STXBP5L: variants seen among roughly 807,000 people sequenced by gnomAD.
STXBP5L encodes the protein syntaxin-binding protein 5-like.
A neutral mutation model predicts 144.5 loss-of-function variants in STXBP5L; 65 were observed. The observed-to-expected ratio is 0.45, with a 90% CI of 0.37 to 0.55. STXBP5L has a LOEUF of 0.55. Among genes scored for constraint, STXBP5L ranks in the 20% least tolerant of loss-of-function variants. The pLI is 0.00. For synonymous variants in STXBP5L, 505 were observed against 469.6 expected (o/e 1.08, Z -0.97); for missense variants, 1,298 against 1,405.5 (o/e 0.92, Z 1.22).
intron 5 of STXBP5L, among the ~76,000 whole-genome samples, chr3:121,081,219 T>C (rs1262934455): frequency 6.6e-6 from 1 of 152,162 alleles, no homozygotes; most frequent in Non-Finnish European, 1.5e-5. Context: ...TCTTTTTCTT[T>C]ATGCTATCTC....
chr3:120,963,150 G>A lies in STXBP5L; in HGVS notation c.287+8113G>A, dbSNP rs189652147. On this transcript the variant is annotated intron_variant, in intron 3 of 26. Coordinates refer to ENST00000471454, the MANE Select transcript of STXBP5L (RefSeq NM_001308330.2). The stretch of plus-strand genomic sequence containing the variant: ...TGTATCCTGAGACTTTGCTGAAGTT[G>A]CTTATCAGCTTAAGGAGATTTTGGG... Among the ~76,000 whole-genome samples, 325 of 152,300 alleles carry A rather than the reference G, an allele frequency of 2.1e-3. 4 individuals are homozygous for A. Among genetic ancestry groups the A allele is most frequent in the Middle Eastern group, 3.4e-3 (1 of 294 alleles).
At chr3:121,012,740 G>T (rs987658386) in intron 3 of STXBP5L, among the ~76,000 whole-genome samples, 3 of 151,734 alleles carry the variant, frequency 2.0e-5, no homozygotes, top group Non-Finnish European at 4.4e-5. Flanking sequence ...TGTTACATTG[G>T]TATGTTGTTT....
intron 5 of STXBP5L, among the ~76,000 whole-genome samples, chr3:121,065,583 G>A (rs2041505284): frequency 6.6e-6 from 1 of 152,066 alleles, no homozygotes; most frequent in South Asian, 2.1e-4. Context: ...TTTTAAAAAT[G>A]TTTTTTCAGA....
chr3:121,162,443 G>T (rs563149966), intron 9 of STXBP5L, among the ~76,000 whole-genome samples: 8 of 152,030 alleles, frequency 5.3e-5, no homozygotes, highest in African/African-American at 1.9e-4. Context: ...AGACTTAAAC[G>T]TAAGACCTAA....
At chr3:121,218,024 TATA>T (rs1559876983) in intron 10 of STXBP5L, among the ~76,000 whole-genome samples, 3 of 144,386 alleles carry the variant, frequency 2.1e-5, no homozygotes, top group South Asian at 2.1e-4. Flanking sequence ...TATACTATAG[TATA>T]ATATACTATA....
intron 10 of STXBP5L, among the ~76,000 whole-genome samples, chr3:121,206,660 A>C (rs546838807): frequency 6.6e-6 from 1 of 152,184 alleles, no homozygotes; most frequent in Admixed American, 6.5e-5. Context: ...AAATACACAA[A>C]AAAATTAGCT....
intron 2 of STXBP5L, among the ~76,000 whole-genome samples, chr3:120,930,999 A>G (rs1170779813): frequency 2.0e-5 from 3 of 152,054 alleles, no homozygotes; most frequent in Non-Finnish European, 2.9e-5. Context: ...CCAAAATGCT[A>G]TGTAGACTAG....
chr3:121,334,117 G>A (rs185057966), intron 20 of STXBP5L, among the ~76,000 whole-genome samples: 32 of 152,116 alleles, frequency 2.1e-4, no homozygotes, highest in African/African-American at 6.0e-4. Context: ...CATGTAAGAC[G>A]TGACTTGCTC....
At chr3:121,036,772 A>ATTT (rs3863971) in intron 3 of STXBP5L, among the ~76,000 whole-genome samples, 13,547 of 121,540 alleles carry the variant, frequency 0.11, 630 homozygotes, top group Admixed American at 0.16. Flanking sequence ...ACATTGATTG[A>ATTT]TTTTTTTTTT....
At chr3:121,343,954 C>T (rs1219933039) in intron 20 of STXBP5L, among the ~76,000 whole-genome samples, 1 of 151,982 alleles carries the variant, frequency 6.6e-6, no homozygotes, top group South Asian at 2.1e-4. Flanking sequence ...AATCCTAAGC[C>T]AAAAGAACAA....
At chr3:121,136,808 G>A (rs1341078065) in intron 7 of STXBP5L, among the ~76,000 whole-genome samples, 1 of 152,180 alleles carries the variant, frequency 6.6e-6, no homozygotes, top group Non-Finnish European at 1.5e-5. Context: ...ATTCACAATA[G>A]CAGAGACATG....
intron 25 of STXBP5L, among the ~76,000 whole-genome samples, chr3:121,417,592 A>T (rs1328236545): frequency 6.6e-6 from 1 of 152,232 alleles, no homozygotes; most frequent in South Asian, 2.1e-4. Context: ...CAGCCTCCCG[A>T]GTAGCTGGGA....
At chr3:121,001,643 C>T (rs960087426) in intron 3 of STXBP5L, among the ~76,000 whole-genome samples, 1 of 152,188 alleles carries the variant, frequency 6.6e-6, no homozygotes, top group African/African-American at 2.4e-5. Flanking sequence ...GAGTGGGCCA[C>T]TCCATGCCTA....
At chr3:121,019,720 G>T (rs566474916) in intron 3 of STXBP5L, among the ~76,000 whole-genome samples, 1 of 152,196 alleles carries the variant, frequency 6.6e-6, no homozygotes, top group Non-Finnish European at 1.5e-5. Flanking sequence ...GCAGGAGAAA[G>T]TGGAGAGCAC....
intron 20 of STXBP5L, among the ~76,000 whole-genome samples, chr3:121,363,808 A>T (rs2045786531): frequency 6.6e-6 from 1 of 151,604 alleles, no homozygotes; most frequent in Non-Finnish European, 1.5e-5. Context: ...GGTCAAGGGG[A>T]GATGATTGGT....
intron 20 of STXBP5L, among the ~76,000 whole-genome samples, chr3:121,351,882 A>C (rs939880030): frequency 3.3e-5 from 5 of 152,176 alleles, no homozygotes; most frequent in Non-Finnish European, 7.3e-5. Context: ...TAAGGGATCC[A>C]GTTTCAGCTT....
At chr3:121,076,755 CT>C (rs1347390903) in intron 5 of STXBP5L, among the ~76,000 whole-genome samples, 1 of 152,118 alleles carries the variant, frequency 6.6e-6, no homozygotes, top group Non-Finnish European at 1.5e-5. Context: ...CCATTAAAAC[CT>C]TTTTTAAAGT....
At chr3:121,022,727 C>T (rs1048910933) in intron 3 of STXBP5L, among the ~76,000 whole-genome samples, 2 of 152,048 alleles carry the variant, frequency 1.3e-5, no homozygotes, top group Non-Finnish European at 2.9e-5. Flanking sequence ...TGATTAAAAC[C>T]CTCAGTAAAA....
At chr3:121,112,888 G>A (rs989329859) in intron 5 of STXBP5L, among the ~76,000 whole-genome samples, 2 of 152,108 alleles carry the variant, frequency 1.3e-5, no homozygotes, top group East Asian at 3.9e-4. Flanking sequence ...ATTAGAGCTA[G>A]CAAATATACA....
Sources: gnomAD v4.1 joint callset for allele counts (sites outside exome capture counted in the v4.1 genomes callset) on GRCh38, gnomAD v4.1.1 for gene constraint, MANE v1.5 for transcripts, NCBI Gene and HGNC (gene_info 2026-07-23, HGNC 2026-07-21) for gene names.